The following MCOLN1 variants were observed in gnomAD, a reference collection of about 807,000 sequenced individuals.
MCOLN1 encodes the protein mucolipin-1.
MCOLN1 carries 50 observed loss-of-function variants against 70.3 expected under a neutral mutation model. The ratio of observed to expected loss-of-function variants is 0.71; its 90% CI spans 0.57 to 0.90. The LOEUF (loss-of-function observed/expected upper bound fraction) is 0.90, where lower values mean the gene tolerates loss of function less well. Ranked by LOEUF, MCOLN1 falls within the 40% of genes least tolerant of loss-of-function variation. The probability of loss-of-function intolerance (pLI) is 0.00; values close to 1 mark genes in which losing one functional copy is unlikely to be tolerated. For synonymous variants in MCOLN1, 366 were observed against 341.0 expected (o/e 1.07, Z -0.81); for missense variants, 598 against 803.5 (o/e 0.74, Z 3.09).
chr19:7,522,966 C>T (rs1196099316), intron 1 of MCOLN1, among the ~76,000 whole-genome samples, 185 bp downstream of exon 1: 2 of 152,150 alleles, frequency 1.3e-5, no homozygotes, highest in Non-Finnish European at 2.9e-5. Flanking sequence ...TCCAATTCTT[C>T]CTCCTGAACC....
chr19:7,527,151 G>T (rs2022583270), intron 4 of MCOLN1: 1 of 631,702 alleles, frequency 1.6e-6, no homozygotes, highest in Non-Finnish European at 2.8e-6. Flanking sequence ...GTGCCCCTGT[G>T]GTCCCAGCTA....
Position 7,526,655 on chromosome 19 carries a change from G to A in MCOLN1, c.405+49G>A, listed in dbSNP as rs377452697. On this transcript the variant is annotated intron_variant, in intron 3 of 13. Transcript: ENST00000264079. The surrounding 1 kb of genome is among the most constrained non-coding windows in gnomAD (Gnocchi z 4.6). ...GGTGGGCAGGCAGGTGCAGGTGGGC[G>A]GGCAGGTGCAGTTGGGCGGGCAGGT... 313 of 1,598,304 alleles carry A rather than the reference G, an allele frequency of 2.0e-4. No individual in the cohort carries two copies. The African/African-American group carries it at 3.4e-3, about 17-fold the overall frequency.
rs886054691 is a variant in MCOLN1 at position 7,522,663 on chromosome 19, G to A, written c.-88G>A. The A allele has an allele frequency of 2.2e-6, 3 of 1,346,766 alleles. No homozygotes were observed. Among genetic ancestry groups the A allele is most frequent in the African/African-American group, 1.5e-5 (1 of 65,578 alleles). The allele number at this position is 1,346,766 out of a possible 1,614,324, so 83.4% of individuals were successfully genotyped here. A position where few individuals can be genotyped will look rare whatever the true frequency, so the allele number is the denominator to read the frequency against. Reference sequence around the variant, plus strand: ...GCCGGAGGGTTTGAAGCCGCGCCGCGAGGGAGCGAGGTCGCAGTGACAGCG... The same window carrying A: ...GCCGGAGGGTTTGAAGCCGCGCCGCAAGGGAGCGAGGTCGCAGTGACAGCG... On this transcript the variant is annotated 5_prime_UTR_variant, in exon 1 of 14. Coordinates refer to ENST00000264079, the MANE Select transcript of MCOLN1 (RefSeq NM_020533.3).
rs908716769 is a variant in MCOLN1 at position 7,525,329 on chromosome 19, TAA to T, written c.237+167_237+168del. ...CAGCATGGTGAAACCCCATCTCTACTAAAAATACAAAAAAATTAGCCGTGCGT... is the reference window on the plus strand; with the variant it reads ...CAGCATGGTGAAACCCCATCTCTACTAAATACAAAAAAATTAGCCGTGCGT... On this transcript the variant is annotated intron_variant, in intron 2 of 13. Coordinates refer to ENST00000264079, the MANE Select transcript of MCOLN1 (RefSeq NM_020533.3). This position sits in a 1 kb window ranked among gnomAD's most constrained non-coding sequence, Gnocchi z 4.2. The T allele has an allele frequency of 1.5e-6, 1 of 684,776 alleles. No individual in the cohort carries two copies. The highest frequency in any genetic ancestry group is 1.8e-5 in the African/African-American group (1 of 56,056). 42.4% of individuals were successfully genotyped at this position (684,776 alleles called of 1,614,324 possible). A position where few individuals can be genotyped will look rare whatever the true frequency, so the allele number is the denominator to read the frequency against.
rs79098147 is a variant in MCOLN1, at chr19:7,524,562, A to C, written c.32-399A>C. ...GCAGTTCATTCTCTCCCCACTGATC[A>C]ATAACGGGAACATTGATGAAATGTT... On this transcript the variant is annotated intron_variant, in intron 1 of 13. Coordinates refer to ENST00000264079, the MANE Select transcript of MCOLN1 (RefSeq NM_020533.3). The surrounding 1 kb of genome is among the most constrained non-coding windows in gnomAD (Gnocchi z 4.1). 0.016 allele frequency among the ~76,000 whole-genome samples: 2,407 copies of C among 152,290 alleles called. 170 individuals carry two copies. Among genetic ancestry groups the C allele is most frequent in the Admixed American group, 0.12 (1,830 of 15,292 alleles).
intron 1 of MCOLN1, among the ~76,000 whole-genome samples, chr19:7,523,448 C>T (rs1000007534): frequency 7.2e-5 from 11 of 152,376 alleles, no homozygotes; most frequent in African/African-American, 2.6e-4. Flanking sequence ...AATCTCAGCT[C>T]TGTAAGCGGG....
rs527480557 is a variant in MCOLN1 at position 7,533,223 on chromosome 19, A to G, written c.1576-300A>G. ...TGCTCAGCGTGCATCCAGCTCACTCAATAGATGGTTTCTGAGCATCGAGGT... is the reference window on the plus strand; with the variant it reads ...TGCTCAGCGTGCATCCAGCTCACTCGATAGATGGTTTCTGAGCATCGAGGT... On this transcript the variant is annotated intron_variant, in intron 12 of 13. Transcript: ENST00000264079. Among the ~76,000 whole-genome samples, 8 of 152,292 alleles carry G rather than the reference A, an allele frequency of 5.3e-5. No homozygotes were observed. The East Asian group carries it at 1.5e-3, about 29-fold the overall frequency.
Position 7,524,848 on chromosome 19 carries a change from T to A in MCOLN1, c.32-113T>A, listed in dbSNP as rs2022543788. On this transcript the variant is annotated intron_variant, in intron 1 of 13. Coordinates refer to ENST00000264079, the MANE Select transcript of MCOLN1 (RefSeq NM_020533.3). The surrounding 1 kb of genome is among the most constrained non-coding windows in gnomAD (Gnocchi z 4.1). ...TCTTTAGACCTCTCAGAGCTCTTCC[T>A]TGGCAGGAGCATGGGGACATGAAGA... 1 of 868,228 alleles carries A rather than the reference T, an allele frequency of 1.2e-6. No individual in the cohort carries two copies. Among genetic ancestry groups the A allele is most frequent in the Non-Finnish European group, 1.9e-6 (1 of 527,656 alleles). 53.8% of individuals were successfully genotyped at this position (868,228 alleles called of 1,614,324 possible).
At position 7,533,956 on chromosome 19, in the gene MCOLN1, G is replaced by T; in HGVS notation, c.*161G>T. The T allele has an allele frequency of 1.3e-6, 1 of 757,020 alleles. No individual in the cohort carries two copies. Among genetic ancestry groups the T allele is most frequent in the South Asian group, 1.5e-5 (1 of 67,040 alleles). 46.9% of individuals were successfully genotyped at this position (757,020 alleles called of 1,614,324 possible). ...TCGGACCCTTGGGGGCGGGGAGACT[G>T]GGTGGGGAGGGTGTTGAATAAAAGG... On this transcript the variant is annotated 3_prime_UTR_variant, in exon 14 of 14. Coordinates refer to ENST00000264079, the MANE Select transcript of MCOLN1 (RefSeq NM_020533.3).
In MCOLN1 at chr19:7,524,896, G is replaced by A. The variant is rs1475581670; in HGVS notation, c.32-65G>A. 4 of 1,372,102 alleles carry A rather than the reference G, an allele frequency of 2.9e-6. No individual in the cohort carries two copies. In the East Asian group the frequency reaches 7.0e-5, roughly 24 times the overall value. 85.0% of individuals were successfully genotyped at this position (1,372,102 alleles called of 1,614,324 possible). A position where few individuals can be genotyped will look rare whatever the true frequency, so the allele number is the denominator to read the frequency against. ...AGATAGGGCGTGTGCTGCCTTCCTG[G>A]TTGGAGAAAGGGGAAAAGGGGAGTT... On this transcript the variant is annotated intron_variant, in intron 1 of 13. Transcript: ENST00000264079. This position sits in a 1 kb window ranked among gnomAD's most constrained non-coding sequence, Gnocchi z 4.1.
At position 7,528,696 on chromosome 19, in the gene MCOLN1, T is replaced by A; in HGVS notation, c.977T>A (p.Leu326Gln). Residue 326 changes from leucine (L) to glutamine (Q), a missense_variant, in exon 8 of 14, where the codon CTG (leucine) becomes CAG (glutamine). By Grantham distance (113) the Leu-to-Gln change is moderately radical (BLOSUM62 -2). Around this residue, in one of 3 missense-constraint regions of MCOLN1, gnomAD observed 461 missense variants for 588.4 expected, o/e 0.78. Coordinates refer to ENST00000264079, the MANE Select transcript of MCOLN1 (RefSeq NM_020533.3). This position sits in a 1 kb window ranked among gnomAD's most constrained non-coding sequence, Gnocchi z 4.2. Reference sequence around the variant, plus strand: ...CGCTCACTCCTTCGAGGCTTCCTGCTGCAGAACGTGAGGCTTCTGCGTCAT... The same window carrying A: ...CGCTCACTCCTTCGAGGCTTCCTGCAGCAGAACGTGAGGCTTCTGCGTCAT... The part of the protein sequence containing the change: ...CARSLLRGFL[L>Q]QNEFVGFMWR... 6.2e-7 allele frequency: 1 copy of A among 1,614,214 alleles called. No individual in the cohort carries two copies. Among genetic ancestry groups the A allele is most frequent in the Non-Finnish European group, 8.5e-7 (1 of 1,180,018 alleles).
chr19:7,527,020 A>C (rs2022581858), intron 4 of MCOLN1, 94 bp downstream of exon 4: 2 of 1,505,974 alleles, frequency 1.3e-6, no homozygotes, highest in East Asian at 4.5e-5. Context: ...CACGCCTATA[A>C]TACCAGCACT....
rs1018345915 is a variant in MCOLN1, at chr19:7,524,038, GT to G, written c.32-913del. ...TCACACCTGACTATTTAAAAAAAAT[GT>G]TTTTTTTTTGTAGACAGGGAGGTCT... On this transcript the variant is annotated intron_variant, in intron 1 of 13. Coordinates refer to ENST00000264079, the MANE Select transcript of MCOLN1 (RefSeq NM_020533.3). The surrounding 1 kb of genome is among the most constrained non-coding windows in gnomAD (Gnocchi z 4.1). 2.0e-5 allele frequency among the ~76,000 whole-genome samples: 3 copies of G among 147,578 alleles called. No homozygotes were observed. The highest frequency in any genetic ancestry group is 3.0e-5 in the Non-Finnish European group (2 of 66,356).
chr19:7,529,511 T>TTGGGACCCCAGATGTGGC, intron 10 of MCOLN1, 79 bp from the exon 11 acceptor site: 1 of 370,414 alleles, frequency 2.7e-6, no homozygotes, highest in Non-Finnish European at 4.5e-6. Flanking sequence ...GCCCCGCCCC[T>TTGGGACCCCAGATGTGGC]CCCACCCCCA....
At chr19:7,533,715 G>C in intron 13 of MCOLN1, 44 bp from the exon 14 acceptor site, 1 of 1,614,184 alleles carries the variant, frequency 6.2e-7, no homozygotes, top group East Asian at 2.2e-5. Flanking sequence ...AGGGGAGCGA[G>C]CCAGAGAAAA....
rs1282192031 is a variant in MCOLN1, at chr19:7,533,664, C to CG, written c.1706+14dup. ...CTGCTGCTGCGGAAGGTTCGAGTCC[C>CG]GGGTCTGGCACATTCAGATTGGAGG... On this transcript the variant is annotated intron_variant, in intron 13 of 13. Coordinates refer to ENST00000264079, the MANE Select transcript of MCOLN1 (RefSeq NM_020533.3). 2.5e-6 allele frequency: 4 copies of CG among 1,613,802 alleles called. No homozygotes were observed. The African/African-American group carries it at 5.3e-5, about 22-fold the overall frequency.
chr19:7,529,505 C>CCCCCCCCCCCCCCCCCCAAGGGGG, intron 10 of MCOLN1, 85 bp from the exon 11 acceptor site: 1 of 755,744 alleles, frequency 1.3e-6, no homozygotes, highest in Non-Finnish European at 2.3e-6. Context: ...GGCAAGGCCC[C>CCCCCCCCCCCCCCCCCCAAGGGGG]GCCCCTCCCA....
Position 7,524,956 on chromosome 19 carries a change from C to T in MCOLN1, c.32-5C>T. On this transcript the variant is annotated splice_region_variant and splice_polypyrimidine_tract_variant and intron_variant, in intron 1 of 13. Coordinates refer to ENST00000264079, the MANE Select transcript of MCOLN1 (RefSeq NM_020533.3). This position sits in a 1 kb window ranked among gnomAD's most constrained non-coding sequence, Gnocchi z 4.1. ...TCACCCCAGTGCCCTCTCCTATTCC[C>T]ACAGAGACCGAGCGGCTTCTGACCC... 6.2e-7 allele frequency: 1 copy of T among 1,613,196 alleles called. No homozygotes were observed. Among genetic ancestry groups the T allele is most frequent in the Non-Finnish European group, 8.5e-7 (1 of 1,179,776 alleles).
rs368404767 is a variant in MCOLN1, at chr19:7,527,832, G to T, written c.681-32G>T. ...TTGGGGCCGGAAGGGACCCGAAGACGCCCCTGACCCTCACCCGAGCCTCCT... is the reference window on the plus strand; with the variant it reads ...TTGGGGCCGGAAGGGACCCGAAGACTCCCCTGACCCTCACCCGAGCCTCCT... On this transcript the variant is annotated intron_variant, in intron 5 of 13. Transcript: ENST00000264079. The T allele has an allele frequency of 5.1e-6, 8 of 1,553,714 alleles. No homozygotes were observed. The African/African-American group carries it at 5.4e-5, about 11-fold the overall frequency.
Sources: allele counts gnomAD v4.1 joint callset (sites outside exome capture counted in the v4.1 genomes callset), GRCh38; gene constraint gnomAD v4.1.1; regional missense constraint gnomAD v4.1.1; non-coding constraint Gnocchi (gnomAD v3.1); transcripts MANE v1.5; gene names NCBI Gene and HGNC (gene_info 2026-07-23, HGNC 2026-07-21).